The following GALNTL6 variants were observed in gnomAD, a reference collection of about 807,000 sequenced individuals.
The protein encoded by GALNTL6 is polypeptide N-acetylgalactosaminyltransferase like 6, also known as polypeptide N-acetylgalactosaminyltransferase-like 6.
A neutral mutation model predicts 73.7 loss-of-function variants in GALNTL6; 46 were observed. The observed-to-expected ratio is 0.62, with a 90% CI of 0.49 to 0.80. The LOEUF is 0.80. Among genes scored for constraint, GALNTL6 ranks in the 30% least tolerant of loss-of-function variants. The pLI is 0.00. For missense variants in GALNTL6, 604 were observed against 755.0 expected, an observed-to-expected ratio of 0.80 and a Z score of 2.34; for synonymous variants, 259 against 263.7, an observed-to-expected ratio of 0.98 and a Z score of 0.17.
chr4:172,829,753 G>A (rs937970033), intron 7 of GALNTL6, among the ~76,000 whole-genome samples: 16 of 152,218 alleles, frequency 1.1e-4, no homozygotes, highest in Admixed American at 6.5e-4. Flanking sequence ...AGTTTAACTA[G>A]GCACATCCTG....
chr4:172,815,095 C>T (rs1330407812), intron 7 of GALNTL6, among the ~76,000 whole-genome samples: 1 of 152,120 alleles, frequency 6.6e-6, no homozygotes, highest in Admixed American at 6.5e-5. Context: ...AGATGTTCTT[C>T]AGACTTCTCT....
At chr4:171,881,147 G>T (rs1300763211) in intron 2 of GALNTL6, among the ~76,000 whole-genome samples, 1 of 152,158 alleles carries the variant, frequency 6.6e-6, no homozygotes, top group Non-Finnish European at 1.5e-5. Flanking sequence ...AGCCTGTAGA[G>T]ATTTCTGCGG....
chr4:172,089,766 T>C (rs1732147078), intron 2 of GALNTL6, among the ~76,000 whole-genome samples: 1 of 152,170 alleles, frequency 6.6e-6, no homozygotes. Flanking sequence ...GTTTGGTACA[T>C]AGGTATACAA....
At chr4:172,664,747 T>C (rs1217983814) in intron 5 of GALNTL6, among the ~76,000 whole-genome samples, 1 of 152,224 alleles carries the variant, frequency 6.6e-6, no homozygotes, top group South Asian at 2.1e-4. Context: ...TCTTCCTACA[T>C]ACAAATTGGC....
intron 5 of GALNTL6, among the ~76,000 whole-genome samples, chr4:172,803,486 G>T (rs912509435): frequency 6.6e-6 from 1 of 152,128 alleles, no homozygotes; most frequent in Admixed American, 6.5e-5. Context: ...CATGTAACTG[G>T]CCCCTGGTGC....
At chr4:172,053,257 C>A (rs1579091505) in intron 2 of GALNTL6, among the ~76,000 whole-genome samples, 1 of 151,994 alleles carries the variant, frequency 6.6e-6, no homozygotes, top group African/African-American at 2.4e-5. Flanking sequence ...TTGAGGATTT[C>A]TTTGTAACCA....
At position 172,397,261 on chromosome 4, in the gene GALNTL6, A is replaced by G. The variant is rs559150150; in HGVS notation, c.553+48572A>G. ...TGCTAATTCTTTCATATTAGAGTTC[A>G]CATTAGATGCTAATAGAAATCCATT... On this transcript the variant is annotated intron_variant, in intron 5 of 12. Coordinates refer to ENST00000506823, the MANE Select transcript of GALNTL6 (RefSeq NM_001034845.3). Among the ~76,000 whole-genome samples the G allele has an allele frequency of 1.2e-4, 19 of 152,326 alleles. No homozygotes were observed. The South Asian group carries it at 3.5e-3, about 28-fold the overall frequency.
chr4:172,783,651 C>G (rs9993208), intron 5 of GALNTL6, among the ~76,000 whole-genome samples: 6,968 of 151,694 alleles, frequency 0.046, 274 homozygotes, highest in African/African-American at 0.11. Context: ...GAGTCTAATA[C>G]GGGTAAAATC....
intron 3 of GALNTL6, among the ~76,000 whole-genome samples, chr4:172,246,757 C>T (rs1394185311): frequency 2.7e-5 from 4 of 150,198 alleles, no homozygotes; most frequent in Non-Finnish European, 4.4e-5. Context: ...AGAACAAATT[C>T]AGAAAAGTCG....
In GALNTL6 at chr4:171,840,422, C is replaced by T. The variant is rs116324143; in HGVS notation, c.138+25704C>T. Among the ~76,000 whole-genome samples, 889 of 152,228 alleles carry T rather than the reference C, an allele frequency of 5.8e-3. 12 individuals carry two copies. Among genetic ancestry groups the T allele is most frequent in the African/African-American group, 0.02 (849 of 41,528 alleles). On this transcript the variant is annotated intron_variant, in intron 2 of 12. Transcript: ENST00000506823. ...GTGGGCACTTGTGTTACTCGGAATCCCACATTTGGAGCTGGCATGCTGTGA... is the reference window on the plus strand; with the variant it reads ...GTGGGCACTTGTGTTACTCGGAATCTCACATTTGGAGCTGGCATGCTGTGA...
rs374771398 is a variant in GALNTL6 at position 171,989,641 on chromosome 4, G to A, written c.138+174923G>A. On this transcript the variant is annotated intron_variant, in intron 2 of 12. Transcript: ENST00000506823. ...CTCAGAAATACATTGCTACTTGGCT[G>A]CCTCTACTCTTATTACTGCACATCT... Among the ~76,000 whole-genome samples, 5 of 152,322 alleles carry A rather than the reference G, an allele frequency of 3.3e-5. No individual in the cohort carries two copies. In the East Asian group the frequency reaches 9.7e-4, roughly 29 times the overall value.
intron 5 of GALNTL6, among the ~76,000 whole-genome samples, chr4:172,480,365 C>T (rs1579111426): frequency 6.6e-6 from 1 of 151,914 alleles, no homozygotes; most frequent in Non-Finnish European, 1.5e-5. Context: ...GGCCTCTGGT[C>T]TTTTTAACTA....
chr4:172,756,267 T>C (rs918245993), intron 5 of GALNTL6, among the ~76,000 whole-genome samples: 2 of 152,198 alleles, frequency 1.3e-5, no homozygotes, highest in Admixed American at 1.3e-4. Context: ...TTTTAGTTGT[T>C]GAACCTTAAA....
chr4:172,469,208 T>G (rs1037744815), intron 5 of GALNTL6, among the ~76,000 whole-genome samples: 39 of 152,190 alleles, frequency 2.6e-4, no homozygotes, highest in African/African-American at 9.2e-4. Context: ...ACAGAAGGTC[T>G]CTATTGGGAA....
intron 2 of GALNTL6, among the ~76,000 whole-genome samples, chr4:172,105,174 G>A (rs1560924990): frequency 6.6e-6 from 1 of 151,830 alleles, no homozygotes; most frequent in East Asian, 1.9e-4. Context: ...CAATTGAGTA[G>A]GAATTCTAGA....
chr4:172,447,217 T>C (rs773412863), intron 5 of GALNTL6, among the ~76,000 whole-genome samples: 3 of 152,184 alleles, frequency 2.0e-5, no homozygotes, highest in Admixed American at 2.0e-4. Context: ...TGAGACACTA[T>C]TTCACAGAAA....
chr4:172,355,900 A>G (rs950011454), intron 5 of GALNTL6, among the ~76,000 whole-genome samples: 5 of 152,110 alleles, frequency 3.3e-5, no homozygotes, highest in East Asian at 1.9e-4. Context: ...ATATATTTCA[A>G]TGTTTACGAC....
chr4:172,457,039 G>A (rs1579088563), intron 5 of GALNTL6, among the ~76,000 whole-genome samples: 1 of 152,092 alleles, frequency 6.6e-6, no homozygotes, highest in African/African-American at 2.4e-5. Context: ...GAGAGTGGGG[G>A]CCAATATTCA....
chr4:172,980,702 TC>T (rs1213161668), intron 10 of GALNTL6, among the ~76,000 whole-genome samples: 1 of 152,168 alleles, frequency 6.6e-6, no homozygotes, highest in Non-Finnish European at 1.5e-5. Context: ...AGATTAGGAC[TC>T]CATCCTTATG....
Sources: gnomAD v4.1 joint callset for allele counts (sites outside exome capture counted in the v4.1 genomes callset) on GRCh38, gnomAD v4.1.1 for gene constraint, MANE v1.5 for transcripts, NCBI Gene and HGNC (gene_info 2026-07-23, HGNC 2026-07-21) for gene names.